Variants in CSMD1 observed in about 807,000 individuals in gnomAD.
The protein encoded by CSMD1 is CUB and sushi domain-containing protein 1.
CSMD1 carries 213 observed loss-of-function variants against 417.5 expected under a neutral mutation model. That is an observed-to-expected ratio of 0.51 (90% CI 0.46 to 0.57). CSMD1 has a LOEUF of 0.57. Among genes scored for constraint, CSMD1 ranks in the 20% least tolerant of loss-of-function variants. The pLI is 0.00. For synonymous variants in CSMD1, 2,862 were observed against 1,736.8 expected, an observed-to-expected ratio of 1.65 and a Z score of -16.11; for missense variants, 6,923 against 4,529.7, an observed-to-expected ratio of 1.53 and a Z score of -15.17.
At chr8:3,773,006 G>C (rs770999975) in intron 5 of CSMD1, among the ~76,000 whole-genome samples, 6 of 152,126 alleles carry the variant, frequency 3.9e-5, no homozygotes, top group African/African-American at 1.4e-4. Flanking sequence ...TCCTGATTCA[G>C]AGGCAGGACC....
chr8:3,150,765 G>C (rs574499053), intron 40 of CSMD1, among the ~76,000 whole-genome samples: 1 of 152,134 alleles, frequency 6.6e-6, no homozygotes, highest in South Asian at 2.1e-4. Context: ...GAGGCAGACA[G>C]GGAAAGGCGT....
chr8:4,490,657 G>C (rs1467894056), intron 2 of CSMD1, among the ~76,000 whole-genome samples: 1 of 152,140 alleles, frequency 6.6e-6, no homozygotes, highest in African/African-American at 2.4e-5. Context: ...CCCATGCTCA[G>C]AATGGTCTTA....
intron 1 of CSMD1, among the ~76,000 whole-genome samples, chr8:4,704,205 G>A (rs1030387630): frequency 2.0e-5 from 3 of 152,196 alleles, no homozygotes; most frequent in Non-Finnish European, 2.9e-5. Context: ...TACGCTGGTA[G>A]CACCTTACAT....
intron 5 of CSMD1, among the ~76,000 whole-genome samples, chr8:3,835,032 C>G (rs989876335): frequency 6.6e-6 from 1 of 152,024 alleles, no homozygotes; most frequent in Non-Finnish European, 1.5e-5. Context: ...CATCTCCCAC[C>G]AGTTAGAATG....
chr8:4,880,963 T>C (rs1803358367), intron 1 of CSMD1, among the ~76,000 whole-genome samples: 1 of 152,112 alleles, frequency 6.6e-6, no homozygotes, highest in Non-Finnish European at 1.5e-5. Context: ...CAGGAATCCA[T>C]GTTCTCACTA....
At chr8:3,386,321 C>T (rs1811001458) in intron 18 of CSMD1, among the ~76,000 whole-genome samples, 4 of 152,148 alleles carry the variant, frequency 2.6e-5, no homozygotes, top group Admixed American at 1.3e-4. Context: ...CTCGTGTGGC[C>T]CCACAGACGC....
chr8:4,801,120 G>A (rs138728156), intron 1 of CSMD1, among the ~76,000 whole-genome samples: 3 of 152,108 alleles, frequency 2.0e-5, no homozygotes, highest in East Asian at 3.9e-4. Flanking sequence ...AGAAAAATTG[G>A]TGTCATTTTA....
At chr8:3,441,999 G>C (rs1362637742) in intron 12 of CSMD1, among the ~76,000 whole-genome samples, 1 of 151,786 alleles carries the variant, frequency 6.6e-6, no homozygotes, top group Non-Finnish European at 1.5e-5. Flanking sequence ...AAGACAGTGT[G>C]TAGGCCTAAG....
chr8:3,806,735 A>C (rs1800762822), intron 5 of CSMD1, among the ~76,000 whole-genome samples: 1 of 152,218 alleles, frequency 6.6e-6, no homozygotes, highest in Non-Finnish European at 1.5e-5. Context: ...GTATGGAAAA[A>C]CAAATTTAAC....
At chr8:4,146,314 T>C (rs1266122386) in intron 3 of CSMD1, among the ~76,000 whole-genome samples, 1 of 150,904 alleles carries the variant, frequency 6.6e-6, no homozygotes, top group Non-Finnish European at 1.5e-5. Context: ...CTGCTTGGTG[T>C]CTGACACATC....
intron 3 of CSMD1, among the ~76,000 whole-genome samples, chr8:4,170,974 C>T (rs574882490): frequency 2.6e-5 from 4 of 151,894 alleles, no homozygotes; most frequent in Non-Finnish European, 4.4e-5. Context: ...CTGCAGTTGA[C>T]GAACTGAGAC....
chr8:3,853,157 C>G (rs373949833), intron 5 of CSMD1, among the ~76,000 whole-genome samples: 1 of 152,162 alleles, frequency 6.6e-6, no homozygotes, highest in Non-Finnish European at 1.5e-5. Context: ...CCCTTGGCTT[C>G]AAGGACACTC....
intron 1 of CSMD1, among the ~76,000 whole-genome samples, chr8:4,833,664 G>A (rs1027262277): frequency 6.6e-6 from 1 of 152,210 alleles, no homozygotes. Context: ...ACTACGTAGA[G>A]TGTTGCCTGC....
At chr8:4,004,706 C>G (rs1025787944) in intron 4 of CSMD1, among the ~76,000 whole-genome samples, 1 of 151,920 alleles carries the variant, frequency 6.6e-6, no homozygotes. Context: ...ACAAAGTTGA[C>G]CTGGATGAGA....
At chr8:4,513,744 G>T (rs532121610) in intron 2 of CSMD1, among the ~76,000 whole-genome samples, 1 of 152,094 alleles carries the variant, frequency 6.6e-6, no homozygotes, top group African/African-American at 2.4e-5. Flanking sequence ...TGCTACTTTG[G>T]CAAAAATACA....
intron 3 of CSMD1, among the ~76,000 whole-genome samples, chr8:4,201,480 G>C (rs534528841): frequency 1.8e-4 from 25 of 142,176 alleles, no homozygotes; most frequent in Non-Finnish European, 2.9e-4. Context: ...GGAGCTTGCA[G>C]TGAGCCGACA....
chr8:3,688,539 T>C (rs1423579127), intron 7 of CSMD1, among the ~76,000 whole-genome samples: 22 of 152,198 alleles, frequency 1.4e-4, no homozygotes, highest in Non-Finnish European at 1.5e-5. Context: ...GTGCAAAACT[T>C]AACTACAATG....
At chr8:4,789,533 C>G (rs1355416864) in intron 1 of CSMD1, among the ~76,000 whole-genome samples, 1 of 152,262 alleles carries the variant, frequency 6.6e-6, no homozygotes, top group East Asian at 1.9e-4. Context: ...TACTGTGCAT[C>G]TACCTGGGAT....
chr8:4,067,128 C>T (rs1799293991), intron 3 of CSMD1, among the ~76,000 whole-genome samples: 1 of 152,170 alleles, frequency 6.6e-6, no homozygotes, highest in Admixed American at 6.5e-5. Flanking sequence ...TCCACAGAGT[C>T]ACTTCATGCA....
Sources: gnomAD v4.1 joint callset for allele counts (sites outside exome capture counted in the v4.1 genomes callset) on GRCh38, gnomAD v4.1.1 for gene constraint, MANE v1.5 for transcripts, NCBI Gene and HGNC (gene_info 2026-07-23, HGNC 2026-07-21) for gene names.